SYT9: variants seen among roughly 807,000 people sequenced by gnomAD.
SYT9 encodes synaptotagmin 9.
SYT9 carries 22 observed loss-of-function variants against 48.4 expected under a neutral mutation model. The observed-to-expected ratio is 0.45, with a 90% CI of 0.32 to 0.65. The LOEUF (loss-of-function observed/expected upper bound fraction) is 0.65, where lower values mean the gene tolerates loss of function less well. Among genes scored for constraint, SYT9 ranks in the 30% least tolerant of loss-of-function variants. The probability of loss-of-function intolerance (pLI) is 0.03; values close to 1 mark genes in which losing one functional copy is unlikely to be tolerated. For synonymous variants in SYT9, 265 were observed against 245.0 expected, an observed-to-expected ratio of 1.08 and a Z score of -0.76; for missense variants, 577 against 622.0, an observed-to-expected ratio of 0.93 and a Z score of 0.77.
chr11:7,308,510 G>A (rs1350209158), intron 2 of SYT9, among the ~76,000 whole-genome samples: 1 of 152,224 alleles, frequency 6.6e-6, no homozygotes, highest in African/African-American at 2.4e-5. Context: ...TGGGGCAGAA[G>A]AGCTGAAAGT....
intron 3 of SYT9, among the ~76,000 whole-genome samples, chr11:7,374,534 C>A (rs985237881): frequency 2.0e-5 from 3 of 152,176 alleles, no homozygotes; most frequent in Non-Finnish European, 4.4e-5. Flanking sequence ...ACATTCCCAC[C>A]AACAGAGTAA....
intron 6 of SYT9, among the ~76,000 whole-genome samples, chr11:7,454,592 T>C (rs986765542): frequency 3.9e-5 from 6 of 152,230 alleles, no homozygotes; most frequent in Non-Finnish European, 7.3e-5. Context: ...AACATCCATC[T>C]AATATCATAA....
intron 3 of SYT9, among the ~76,000 whole-genome samples, chr11:7,415,399 G>A (rs117209876): frequency 0.011 from 1,633 of 152,314 alleles, 9 homozygotes; most frequent in Middle Eastern, 0.034. Context: ...TGCAGCCAGG[G>A]TGTGTGCTGA....
chr11:7,452,178 A>T (rs1848068428), intron 6 of SYT9, among the ~76,000 whole-genome samples: 1 of 152,086 alleles, frequency 6.6e-6, no homozygotes, highest in East Asian at 1.9e-4. Context: ...ATAAGAAATC[A>T]AATTCAAGTG....
upstream of SYT9, among the ~76,000 whole-genome samples, chr11:7,250,941 G>C (rs1277675282): frequency 3.3e-5 from 5 of 152,080 alleles, no homozygotes; most frequent in African/African-American, 1.2e-4. Flanking sequence ...GAAAATCAAA[G>C]CTACCTTCAT....
In SYT9 at chr11:7,468,387, T is replaced by C; in HGVS notation, c.*1587T>C. ...GGAAGCAGTGTCATTACATTCAAGCTTCACTTCTCTGATTGGCTTCCAACC... is the reference window on the plus strand; with the variant it reads ...GGAAGCAGTGTCATTACATTCAAGCCTCACTTCTCTGATTGGCTTCCAACC... On this transcript the variant is annotated 3_prime_UTR_variant, in exon 7 of 7. Coordinates refer to ENST00000318881, the MANE Select transcript of SYT9 (RefSeq NM_175733.4). 2.5e-6 allele frequency: 1 copy of C among 398,440 alleles called. No individual in the cohort carries two copies. The highest frequency in any genetic ancestry group is 4.4e-5 in the Admixed American group (1 of 22,736). The allele number at this position is 398,440 out of a possible 1,614,324, so 24.7% of individuals were successfully genotyped here. A position where few individuals can be genotyped will look rare whatever the true frequency, so the allele number is the denominator to read the frequency against.
At chr11:7,437,753 A>G (rs771214084) in intron 6 of SYT9, 1 of 152,236 alleles carries the variant, frequency 6.6e-6, no homozygotes, top group Non-Finnish European at 1.5e-5. Context: ...GTGTTGCCAC[A>G]TTTGCATGGG....
chr11:7,466,422 C>A (rs576616928), intron 6 of SYT9, among the ~76,000 whole-genome samples: 1 of 152,202 alleles, frequency 6.6e-6, no homozygotes, highest in South Asian at 2.1e-4. Flanking sequence ...GTTTGGTGCA[C>A]ATTAAAAATG....
intron 1 of SYT9, among the ~76,000 whole-genome samples, chr11:7,257,262 A>G (rs1847990159): frequency 1.3e-5 from 2 of 152,210 alleles, no homozygotes; most frequent in Non-Finnish European, 2.9e-5. Context: ...TACCCTGTAC[A>G]GCTAGTGCCC....
chr11:7,336,667 T>G (rs143201424), intron 3 of SYT9, among the ~76,000 whole-genome samples: 375 of 152,284 alleles, frequency 2.5e-3, no homozygotes, highest in African/African-American at 8.8e-3. Flanking sequence ...GTGGCCTTAT[T>G]TCTGGGCTCT....
At chr11:7,461,616 A>G (rs1311447232) in intron 6 of SYT9, among the ~76,000 whole-genome samples, 1 of 152,186 alleles carries the variant, frequency 6.6e-6, no homozygotes, top group East Asian at 1.9e-4. Context: ...CAGGTGATCC[A>G]TCCGCCTTGG....
chr11:7,326,528 C>T (rs545994561), intron 3 of SYT9, among the ~76,000 whole-genome samples: 27 of 151,238 alleles, frequency 1.8e-4, no homozygotes, highest in African/African-American at 2.2e-4. Flanking sequence ...GTCTTGCTAG[C>T]GGTCTATCAA....
At chr11:7,348,825 A>G (rs1406128085) in intron 3 of SYT9, among the ~76,000 whole-genome samples, 1 of 151,126 alleles carries the variant, frequency 6.6e-6, no homozygotes, top group Non-Finnish European at 1.5e-5. Flanking sequence ...CATGGGCATC[A>G]GACCCGTATC....
At chr11:7,331,848 C>G (rs964404538) in intron 3 of SYT9, among the ~76,000 whole-genome samples, 9 of 152,198 alleles carry the variant, frequency 5.9e-5, no homozygotes, top group African/African-American at 1.9e-4. Flanking sequence ...ACCACAGTTA[C>G]CACATTAGAT....
At chr11:7,251,073 T>C (rs1847857211), upstream of SYT9, among the ~76,000 whole-genome samples, 1 of 150,832 alleles carries the variant, frequency 6.6e-6, no homozygotes, top group Non-Finnish European at 1.5e-5. Context: ...AATGAGATTA[T>C]GTACCTAAAA....
chr11:7,290,020 C>T (rs948192099), intron 1 of SYT9, among the ~76,000 whole-genome samples: 9 of 152,208 alleles, frequency 5.9e-5, no homozygotes, highest in Admixed American at 5.2e-4. Flanking sequence ...ACCATGCTTT[C>T]AGCACAGACA....
intron 1 of SYT9, among the ~76,000 whole-genome samples, chr11:7,254,502 T>C (rs2119772233): frequency 6.6e-6 from 1 of 152,232 alleles, no homozygotes; most frequent in East Asian, 1.9e-4. Context: ...GAAGCAAGAG[T>C]GTCTTTAATC....
intron 3 of SYT9, among the ~76,000 whole-genome samples, chr11:7,399,076 G>A (rs1262154287): frequency 6.6e-6 from 1 of 152,130 alleles, no homozygotes; most frequent in African/African-American, 2.4e-5. Flanking sequence ...ATGTCAAAAA[G>A]GCCTGCAGAC....
chr11:7,325,345 T>A (rs7109865), intron 3 of SYT9, among the ~76,000 whole-genome samples: 32,498 of 131,942 alleles, frequency 0.25, 3,518 homozygotes, highest in Middle Eastern at 0.3. Context: ...GTAAGTTGGA[T>A]TCCTAGGTAT....
Sources: allele counts gnomAD v4.1 joint callset (sites outside exome capture counted in the v4.1 genomes callset), GRCh38; gene constraint gnomAD v4.1.1; transcripts MANE v1.5; gene names NCBI Gene and HGNC (gene_info 2026-07-23, HGNC 2026-07-21).